Variants in CTNNAL1 observed in about 807,000 individuals in gnomAD.
CTNNAL1 encodes the protein catenin alpha like 1.
A neutral mutation model predicts 93.6 loss-of-function variants in CTNNAL1; 69 were observed. That is an observed-to-expected ratio of 0.74 (90% CI 0.61 to 0.90). The LOEUF (loss-of-function observed/expected upper bound fraction) is 0.90. Among genes scored for constraint, CTNNAL1 ranks in the 40% least tolerant of loss-of-function variants. CTNNAL1 has a pLI of 0.00. For synonymous variants in CTNNAL1, 286 were observed against 305.4 expected, an observed-to-expected ratio of 0.94 and a Z score of 0.66; for missense variants, 836 against 862.0, an observed-to-expected ratio of 0.97 and a Z score of 0.38.
chr9:108,944,314 G>T (rs963294246), intron 15 of CTNNAL1, among the ~76,000 whole-genome samples: 5 of 152,130 alleles, frequency 3.3e-5, no homozygotes, highest in African/African-American at 1.2e-4. Context: ...CACAAATTAT[G>T]TCTAGATTAC....
In CTNNAL1 at chr9:109,002,026, A is replaced by T. The variant is rs536543303; in HGVS notation, c.142-2770T>A. ...AATTGAAAGAACTTCGAGCGAATAA[A>T]AACTAGAAACGTCAAAGAAACTTTG... On this transcript the variant is annotated intron_variant, in intron 1 of 18. Transcript: ENST00000325551. Among the ~76,000 whole-genome samples, 33 of 152,360 alleles carry T rather than the reference A, an allele frequency of 2.2e-4. No homozygotes were observed. The Middle Eastern group carries it at 0.02, about 94-fold the overall frequency.
At chr9:108,973,083 A>T (rs547003461) in intron 8 of CTNNAL1, among the ~76,000 whole-genome samples, 1 of 152,272 alleles carries the variant, frequency 6.6e-6, no homozygotes, top group South Asian at 2.1e-4. Flanking sequence ...AGTGATATCT[A>T]ATTCATCCTT....
chr9:108,989,699 T>C (rs1831727486), intron 4 of CTNNAL1, among the ~76,000 whole-genome samples: 1 of 152,168 alleles, frequency 6.6e-6, no homozygotes, highest in Non-Finnish European at 1.5e-5. Flanking sequence ...CATAATATGA[T>C]CTTCCATCTC....
chr9:108,990,880 A>C, intron 3 of CTNNAL1, 35 bp from the exon 4 acceptor site: 1 of 1,593,900 alleles, frequency 6.3e-7, no homozygotes, highest in Non-Finnish European at 8.5e-7. Flanking sequence ...ATTTGGTGAG[A>C]GCTACTCAAG....
chr9:108,991,257 T>C (rs838837), intron 3 of CTNNAL1, among the ~76,000 whole-genome samples: 148,817 of 152,202 alleles, frequency 0.98, 72,776 homozygotes, highest in East Asian at 1. Flanking sequence ...ACCAGGATGA[T>C]AGGAACCCTA....
intron 5 of CTNNAL1, among the ~76,000 whole-genome samples, chr9:108,983,685 CTT>C (rs1056828079): frequency 6.6e-6 from 1 of 152,080 alleles, no homozygotes; most frequent in Admixed American, 6.5e-5. Flanking sequence ...TGCATCTTGA[CTT>C]TTAAAAAATG....
intron 1 of CTNNAL1, among the ~76,000 whole-genome samples, chr9:109,000,337 A>G (rs1355184958): frequency 6.6e-6 from 1 of 152,228 alleles, no homozygotes; most frequent in Non-Finnish European, 1.5e-5. Flanking sequence ...TAGAATAGCA[A>G]TAATTCAGTT....
intron 1 of CTNNAL1, among the ~76,000 whole-genome samples, chr9:109,002,367 C>G (rs1479367503): frequency 2.0e-5 from 3 of 152,138 alleles, no homozygotes; most frequent in Non-Finnish European, 2.9e-5. Context: ...GATTAAGTTC[C>G]AACATATAAA....
At chr9:109,010,597 G>C (rs910189434) in intron 1 of CTNNAL1, among the ~76,000 whole-genome samples, 1 of 152,158 alleles carries the variant, frequency 6.6e-6, no homozygotes, top group African/African-American at 2.4e-5. Flanking sequence ...ATCATTATTA[G>C]AAGCTGAATT....
intron 8 of CTNNAL1, 35 bp from the exon 9 acceptor site, chr9:108,972,868 G>GGCCCCCCCCCCCGGGT: frequency 9.2e-7 from 1 of 1,092,786 alleles, no homozygotes; most frequent in Non-Finnish European, 1.2e-6. Context: ...GGGTGGGAGG[G>GGCCCCCCCCCCCGGGT]TGGAGAAGGA....
chr9:108,988,759 A>G (rs1831692666), intron 4 of CTNNAL1, among the ~76,000 whole-genome samples: 2 of 152,328 alleles, frequency 1.3e-5, no homozygotes, highest in Admixed American at 1.3e-4. Context: ...ACTAAAACAT[A>G]AGCTCCATGA....
intron 8 of CTNNAL1, 79 bp downstream of exon 8, chr9:108,976,883 A>C (rs998611752): frequency 3.5e-6 from 2 of 572,954 alleles, no homozygotes; most frequent in Non-Finnish European, 5.8e-6. Flanking sequence ...CATACTAATA[A>C]TACTAATGTA....
intron 3 of CTNNAL1, chr9:108,991,930 G>A (rs1831821312): frequency 4.6e-6 from 3 of 649,562 alleles, no homozygotes. Flanking sequence ...CTTCTGGACT[G>A]GAAGAGTTTA....
At position 108,952,302 on chromosome 9, in the gene CTNNAL1, C is replaced by A. The variant is rs374633480; in HGVS notation, c.1742G>T (p.Cys581Phe). 3 of 1,614,116 alleles carry A rather than the reference C, an allele frequency of 1.9e-6. No individual in the cohort carries two copies. In the African/African-American group the frequency reaches 4.0e-5, roughly 22 times the overall value. ...CTGATCTTCCCACTTCTCAATTTCG[C>A]AGTCAGCGTCAGAGGTGAGCAAACC... ...KLGLLTSDAD[C>F]EIEKWEDQEN... Residue 581 changes from cysteine to phenylalanine, a missense_variant, in exon 14 of 19, where the codon TGC (cysteine) becomes TTC (phenylalanine). Cys to Phe is a radical substitution (Grantham distance 205). Coordinates refer to ENST00000325551, the MANE Select transcript of CTNNAL1 (RefSeq NM_003798.4).
chr9:108,953,465 A>G (rs1830615908), intron 12 of CTNNAL1, among the ~76,000 whole-genome samples: 1 of 152,166 alleles, frequency 6.6e-6, no homozygotes, highest in Admixed American at 6.5e-5. Context: ...ATACACACTC[A>G]CAAACACACA....
chr9:108,990,918 G>C, intron 3 of CTNNAL1, 73 bp from the exon 4 acceptor site: 2 of 1,501,474 alleles, frequency 1.3e-6, no homozygotes, highest in Non-Finnish European at 1.8e-6. Flanking sequence ...GCTGAGTAGA[G>C]AGAAGAAAAG....
At chr9:109,003,738 A>G (rs1826924820) in intron 1 of CTNNAL1, among the ~76,000 whole-genome samples, 1 of 152,194 alleles carries the variant, frequency 6.6e-6, no homozygotes, top group South Asian at 2.1e-4. Context: ...AGGAACTACT[A>G]CATACAAGAA....
intron 1 of CTNNAL1, among the ~76,000 whole-genome samples, chr9:109,011,653 T>C (rs1460111453): frequency 6.6e-6 from 1 of 152,234 alleles, no homozygotes; most frequent in Non-Finnish European, 1.5e-5. Flanking sequence ...CACAGCATAG[T>C]GTAGCAAAGA....
intron 4 of CTNNAL1, among the ~76,000 whole-genome samples, chr9:108,989,305 T>A (rs1831711111): frequency 6.6e-6 from 1 of 152,070 alleles, no homozygotes; most frequent in Non-Finnish European, 1.5e-5. Context: ...GCTACTATTA[T>A]TATAAAAATA....
Sources: gnomAD v4.1 joint callset for allele counts (sites outside exome capture counted in the v4.1 genomes callset) on GRCh38, gnomAD v4.1.1 for gene constraint, MANE v1.5 for transcripts, NCBI Gene and HGNC (gene_info 2026-07-23, HGNC 2026-07-21) for gene names.